The following ANKFY1 variants were observed in gnomAD, a reference collection of about 807,000 sequenced individuals.
ANKFY1 encodes the protein ankyrin repeat and FYVE domain-containing protein 1.
In ANKFY1, 47 loss-of-function variants were observed where a neutral mutation model predicts 128.3. The observed-to-expected ratio is 0.37, with a 90% confidence interval of 0.29 to 0.47. The LOEUF (loss-of-function observed/expected upper bound fraction) is 0.47. ANKFY1 is among the 20% of genes least tolerant of loss of function. ANKFY1 has a pLI of 1.00. For synonymous variants in ANKFY1, 553 were observed against 601.6 expected, an observed-to-expected ratio of 0.92 and a Z score of 1.18; for missense variants, 1,222 against 1,510.6, an observed-to-expected ratio of 0.81 and a Z score of 3.17.
intron 1 of ANKFY1, among the ~76,000 whole-genome samples, chr17:4,252,959 C>A (rs935477848): frequency 6.6e-6 from 1 of 152,078 alleles, no homozygotes; most frequent in African/African-American, 2.4e-5. Context: ...ACTGTATGAC[C>A]CCATATGAAA....
At chr17:4,224,028 G>C (rs569516993) in intron 3 of ANKFY1, among the ~76,000 whole-genome samples, 1 of 152,040 alleles carries the variant, frequency 6.6e-6, no homozygotes, top group Non-Finnish European at 1.5e-5. Context: ...GAACTGAAAG[G>C]GTTTTTGTAA....
intron 9 of ANKFY1, 56 bp from the exon 10 acceptor site, chr17:4,195,233 C>T: frequency 6.6e-7 from 1 of 1,519,200 alleles, no homozygotes; most frequent in Non-Finnish European, 9.0e-7. Flanking sequence ...ACACTCTATA[C>T]TGACAACAAC....
intron 3 of ANKFY1, among the ~76,000 whole-genome samples, chr17:4,229,807 C>G (rs985347059): frequency 2.0e-5 from 3 of 152,174 alleles, no homozygotes; most frequent in Admixed American, 1.3e-4. Context: ...AATGAGCAAT[C>G]CAAAAGAGAG....
chr17:4,235,362 A>G (rs1389425368), intron 3 of ANKFY1, among the ~76,000 whole-genome samples: 1 of 151,840 alleles, frequency 6.6e-6, no homozygotes, highest in Non-Finnish European at 1.5e-5. Flanking sequence ...AAAAGAAAAA[A>G]AAAGTCCTTT....
chr17:4,216,152 C>T (rs2060217459), intron 4 of ANKFY1, among the ~76,000 whole-genome samples: 1 of 152,196 alleles, frequency 6.6e-6, no homozygotes, highest in Non-Finnish European at 1.5e-5. Context: ...AACACCAGCC[C>T]ATGACGAAAA....
chr17:4,201,337 G>T (rs1195114154), intron 7 of ANKFY1, among the ~76,000 whole-genome samples: 1 of 152,102 alleles, frequency 6.6e-6, no homozygotes, highest in Non-Finnish European at 1.5e-5. Context: ...CAGGCCGATT[G>T]TCTCTTTTTC....
chr17:4,208,642 T>G (rs1455921499), intron 5 of ANKFY1, among the ~76,000 whole-genome samples: 1 of 152,226 alleles, frequency 6.6e-6, no homozygotes, highest in Non-Finnish European at 1.5e-5. Flanking sequence ...TTTAGCCGCC[T>G]TTTCTGAAAC....
intron 3 of ANKFY1, among the ~76,000 whole-genome samples, chr17:4,233,848 C>T (rs947740728): frequency 1.3e-5 from 2 of 152,202 alleles, no homozygotes; most frequent in Admixed American, 1.3e-4. Flanking sequence ...TGGCACTGCG[C>T]ATGGAAAACA....
chr17:4,186,785 G>A lies in ANKFY1; in HGVS notation c.1471-1739C>T, dbSNP rs561952649. 4.0e-5 allele frequency: 39 copies of A among 984,168 alleles called. No homozygotes were observed. The African/African-American group carries it at 6.6e-4, about 17-fold the overall frequency. 61.0% of individuals were successfully genotyped at this position (984,168 alleles called of 1,614,324 possible). A position where few individuals can be genotyped will look rare whatever the true frequency, so the allele number is the denominator to read the frequency against. ...CCTACGCATTCTCCTTGGGTGTGCT[G>A]ATCTACTCCACGGCTTCTGCCATTA... is the stretch of plus-strand genomic sequence containing the variant. On this transcript the variant is annotated intron_variant, in intron 11 of 24. Transcript: ENST00000341657.
chr17:4,203,844 AGAAAG>A (rs1490089483), intron 7 of ANKFY1, among the ~76,000 whole-genome samples: 33 of 117,834 alleles, frequency 2.8e-4, no homozygotes, highest in South Asian at 8.5e-4. Context: ...AAAAAAAAAA[AGAAAG>A]AAAGAAAGAA....
chr17:4,216,647 A>T, intron 4 of ANKFY1: 1 of 348,588 alleles, frequency 2.9e-6, no homozygotes, highest in Admixed American at 3.8e-5. Flanking sequence ...TATATCAGAA[A>T]ATAGAGTAAA....
At chr17:4,194,391 G>A (rs1194155163) in intron 10 of ANKFY1, 1 of 151,026 alleles carries the variant, frequency 6.6e-6, no homozygotes, top group Admixed American at 6.6e-5. Flanking sequence ...TTACAGGTGT[G>A]AGCCACCACG....
At position 4,191,431 on chromosome 17, in the gene ANKFY1, G is replaced by T. The variant is rs866580401; in HGVS notation, c.1373-1952C>A. ...TTGATGGTTGCTCTAATCTGGAGAT[G>T]CCTAGTTGATGGTTACTCTAATCTG... On this transcript the variant is annotated intron_variant, in intron 10 of 24. Transcript: ENST00000341657. The T allele has an allele frequency of 6.2e-3, 940 of 150,758 alleles. 14 individuals are homozygous for T. The highest frequency in any genetic ancestry group is 0.022 in the African/African-American group (906 of 40,520). 9.3% of individuals were successfully genotyped at this position (150,758 alleles called of 1,614,324 possible).
At chr17:4,224,214 G>GTTTTT (rs33995900) in intron 3 of ANKFY1, among the ~76,000 whole-genome samples, 4 of 66,746 alleles carry the variant, frequency 6.0e-5, no homozygotes, top group African/African-American at 1.8e-4. Context: ...CACCTTTGAA[G>GTTTTT]TTTTTTTTTT....
At chr17:4,197,607 T>G in intron 7 of ANKFY1, 30 bp from the exon 8 acceptor site, 1 of 1,603,032 alleles carries the variant, frequency 6.2e-7, no homozygotes, top group Non-Finnish European at 8.5e-7. Context: ...AGAAACAGTG[T>G]CAGGGCAAAG....
intron 1 of ANKFY1, among the ~76,000 whole-genome samples, chr17:4,259,260 C>G (rs779841919): frequency 2.0e-5 from 3 of 152,224 alleles, no homozygotes; most frequent in Non-Finnish European, 4.4e-5. Context: ...GCTGCAGAGT[C>G]TGAGCTCTTA....
intron 10 of ANKFY1, among the ~76,000 whole-genome samples, chr17:4,190,363 C>G (rs1275385892): frequency 6.6e-6 from 1 of 152,108 alleles, no homozygotes; most frequent in African/African-American, 2.4e-5. Context: ...ATTGCTTGAA[C>G]CCACGAGGCA....
intron 2 of ANKFY1, among the ~76,000 whole-genome samples, chr17:4,241,739 G>A (rs1967235888): frequency 1.3e-5 from 2 of 151,956 alleles, no homozygotes; most frequent in South Asian, 4.1e-4. Flanking sequence ...GATTAGCAAT[G>A]CTATCACCAT....
At chr17:4,218,197 ACAG>A (rs768549736) in intron 3 of ANKFY1, among the ~76,000 whole-genome samples, 2 of 152,228 alleles carry the variant, frequency 1.3e-5, no homozygotes, top group Non-Finnish European at 2.9e-5. Flanking sequence ...AACCTTTCAC[ACAG>A]CAACTACATA....
Sources: gnomAD v4.1 joint callset for allele counts (sites outside exome capture counted in the v4.1 genomes callset) on GRCh38, gnomAD v4.1.1 for gene constraint, MANE v1.5 for transcripts, NCBI Gene and HGNC (gene_info 2026-07-23, HGNC 2026-07-21) for gene names.